TRPM3: variants seen among roughly 807,000 people sequenced by gnomAD.
TRPM3 encodes the protein transient receptor potential cation channel subfamily M member 3, also known as long transient receptor potential channel 3.
TRPM3 carries 77 observed loss-of-function variants against 181.2 expected under a neutral mutation model. The ratio of observed to expected loss-of-function variants is 0.42; its 90% CI spans 0.35 to 0.51. The LOEUF (loss-of-function observed/expected upper bound fraction) is 0.51. TRPM3 is among the 20% of genes least tolerant of loss of function. TRPM3 has a pLI of 0.01. For missense variants in TRPM3, 1,759 were observed against 2,196.7 expected (o/e 0.80, Z 3.98); for synonymous variants, 745 against 796.4 (o/e 0.94, Z 1.09).
intron 1 of TRPM3, among the ~76,000 whole-genome samples, chr9:71,060,831 A>G (rs1434667167): frequency 6.6e-6 from 1 of 152,124 alleles, no homozygotes; most frequent in African/African-American, 2.4e-5. Flanking sequence ...TATGGCTGCA[A>G]ACAACATAAG....
chr9:71,429,693 T>C (rs1202653625), intron 1 of TRPM3, among the ~76,000 whole-genome samples: 1 of 152,224 alleles, frequency 6.6e-6, no homozygotes, highest in Non-Finnish European at 1.5e-5. Context: ...AGGGTTGTTT[T>C]GAATCCCCTA....
At chr9:70,807,887 G>A (rs185887182) in intron 6 of TRPM3, among the ~76,000 whole-genome samples, 211 of 152,240 alleles carry the variant, frequency 1.4e-3, no homozygotes, top group South Asian at 2.5e-3. Flanking sequence ...ATTACAGAGA[G>A]GAGAAGATTT....
chr9:71,087,753 T>C (rs1163262233), intron 1 of TRPM3, among the ~76,000 whole-genome samples: 1 of 152,150 alleles, frequency 6.6e-6, no homozygotes, highest in East Asian at 1.9e-4. Context: ...GGCTGTTGCA[T>C]GTTTAGACCA....
chr9:70,604,664 A>G (rs2060674240), intron 19 of TRPM3, among the ~76,000 whole-genome samples: 1 of 152,124 alleles, frequency 6.6e-6, no homozygotes, highest in Non-Finnish European at 1.5e-5. Context: ...ATGTTTTGGG[A>G]CAGGGTCTCA....
intron 1 of TRPM3, among the ~76,000 whole-genome samples, chr9:71,150,110 G>T (rs1197421935): frequency 6.6e-6 from 1 of 151,756 alleles, no homozygotes; most frequent in African/African-American, 2.4e-5. Context: ...AAATTAGAGG[G>T]CAGAAATGTT....
intron 7 of TRPM3, among the ~76,000 whole-genome samples, chr9:70,762,368 G>T (rs556258688): frequency 6.6e-6 from 1 of 152,236 alleles, no homozygotes; most frequent in Non-Finnish European, 1.5e-5. Context: ...TGCTATAGAA[G>T]AATAAATGAA....
chr9:70,868,915 G>A, intron 1 of TRPM3: 1 of 872,122 alleles, frequency 1.1e-6, no homozygotes, highest in Non-Finnish European at 1.4e-6. Flanking sequence ...TTGATCTTTG[G>A]TCTTCCTCTA....
chr9:71,340,798 T>G (rs571188398), intron 1 of TRPM3, among the ~76,000 whole-genome samples: 1 of 152,216 alleles, frequency 6.6e-6, no homozygotes, highest in Admixed American at 6.6e-5. Context: ...AGATTTTTGT[T>G]TCTTACTACC....
chr9:70,831,954 A>G (rs1588979898), intron 5 of TRPM3, among the ~76,000 whole-genome samples: 1 of 70,948 alleles, frequency 1.4e-5, no homozygotes, highest in South Asian at 4.4e-4. Context: ...CATTTTATGT[A>G]CCCCATAAAT....
At chr9:71,254,344 G>C (rs911111067) in intron 1 of TRPM3, among the ~76,000 whole-genome samples, 1 of 152,182 alleles carries the variant, frequency 6.6e-6, no homozygotes, top group Non-Finnish European at 1.5e-5. Context: ...GTTACTAGAG[G>C]CTGTGTTGGG....
In TRPM3 at chr9:71,296,988, CTTTTT is replaced by C. The variant is rs398010878; in HGVS notation, c.183+149660_183+149664del. On this transcript the variant is annotated intron_variant, in intron 1 of 24. Coordinates refer to the TRPM3 transcript ENST00000357533. ...AACAAACATGGGATGTGAATCTTTT[CTTTTT>C]TTTTTTTTTTTTTTTTGAGATGAAG... Among the ~76,000 whole-genome samples, 9 of 97,854 alleles carry C rather than the reference CTTTTT, an allele frequency of 9.2e-5. No individual in the cohort carries two copies. In the South Asian group the frequency reaches 2.8e-3, roughly 30 times the overall value. The allele number at this position is 97,854 out of a possible 152,430, so 64.2% of individuals were successfully genotyped here. A position where few individuals can be genotyped will look rare whatever the true frequency, so the allele number is the denominator to read the frequency against.
At chr9:70,975,098 A>T (rs1256840273) in intron 1 of TRPM3, among the ~76,000 whole-genome samples, 1 of 151,854 alleles carries the variant, frequency 6.6e-6, no homozygotes, top group African/African-American at 2.4e-5. Flanking sequence ...TGAACTCCTG[A>T]CCTCAGGTGA....
intron 1 of TRPM3, among the ~76,000 whole-genome samples, chr9:70,929,234 C>T (rs949327117): frequency 1.3e-5 from 2 of 151,478 alleles, no homozygotes; most frequent in African/African-American, 2.4e-5. Context: ...CTAAGTCTCA[C>T]TCTATTGCCC....
intron 22 of TRPM3, among the ~76,000 whole-genome samples, chr9:70,582,740 G>A (rs544956200): frequency 1.4e-4 from 21 of 152,282 alleles, no homozygotes; most frequent in South Asian, 1.0e-3. Context: ...ATCTAGATGA[G>A]TACCATCACC....
intron 1 of TRPM3, among the ~76,000 whole-genome samples, chr9:71,051,673 C>T (rs1031860527): frequency 3.5e-4 from 54 of 152,150 alleles, no homozygotes; most frequent in African/African-American, 1.2e-3. Context: ...ATTATTTAGC[C>T]GTTTCTTTTT....
At chr9:71,335,798 C>G (rs1453735741) in intron 1 of TRPM3, among the ~76,000 whole-genome samples, 2 of 152,090 alleles carry the variant, frequency 1.3e-5, no homozygotes, top group South Asian at 2.1e-4. Context: ...TAGAATCTAA[C>G]AAACAGTTTT....
chr9:70,841,815 A>C (rs1157038283), intron 5 of TRPM3, among the ~76,000 whole-genome samples: 1 of 150,966 alleles, frequency 6.6e-6, no homozygotes, highest in East Asian at 1.9e-4. Flanking sequence ...CCATTTTCCT[A>C]AGTAAAATAA....
At chr9:70,945,379 G>C (rs1005945609) in intron 1 of TRPM3, among the ~76,000 whole-genome samples, 2 of 152,148 alleles carry the variant, frequency 1.3e-5, no homozygotes, top group African/African-American at 4.8e-5. Flanking sequence ...CTATAAGGTA[G>C]TTGGTCTGTT....
chr9:71,232,126 T>C (rs1474864679), intron 1 of TRPM3, among the ~76,000 whole-genome samples: 1 of 152,134 alleles, frequency 6.6e-6, no homozygotes, highest in East Asian at 1.9e-4. Context: ...AGCAGACTTT[T>C]ATGAAGATGT....
Sources: gnomAD v4.1 joint callset for allele counts (sites outside exome capture counted in the v4.1 genomes callset) on GRCh38, gnomAD v4.1.1 for gene constraint, MANE v1.5 for transcripts, NCBI Gene and HGNC (gene_info 2026-07-23, HGNC 2026-07-21) for gene names.